The following MRPS5 variants were observed in gnomAD, a reference collection of about 807,000 sequenced individuals.
MRPS5 encodes mitochondrial ribosomal protein S5.
In MRPS5, 27 loss-of-function variants were observed where a neutral mutation model predicts 51.9. The observed-to-expected ratio is 0.52, with a 90% CI of 0.38 to 0.72. MRPS5 has a LOEUF of 0.72. MRPS5 is among the 30% of genes least tolerant of loss of function. The probability of loss-of-function intolerance (pLI) is 0.00; values close to 1 mark genes in which losing one functional copy is unlikely to be tolerated. For missense variants in MRPS5, 570 were observed against 545.7 expected, an observed-to-expected ratio of 1.04 and a Z score of -0.44; for synonymous variants, 196 against 193.2, an observed-to-expected ratio of 1.01 and a Z score of -0.12.
intron 5 of MRPS5, among the ~76,000 whole-genome samples, chr2:95,107,673 G>C (rs1035525961): frequency 6.6e-6 from 1 of 152,124 alleles, no homozygotes; most frequent in Non-Finnish European, 1.5e-5. Context: ...CACATCTCTT[G>C]GATGATTTTT....
chr2:95,112,616 T>C (rs1254762635), intron 3 of MRPS5, among the ~76,000 whole-genome samples: 1 of 152,188 alleles, frequency 6.6e-6, no homozygotes, highest in Non-Finnish European at 1.5e-5. Flanking sequence ...GACTATTTCC[T>C]ACTGAAACAG....
At chr2:95,104,341 G>A (rs2104412119) in intron 7 of MRPS5, 1 of 387,148 alleles carries the variant, frequency 2.6e-6, no homozygotes, top group East Asian at 5.7e-5. Context: ...TGGCCCTATT[G>A]AACATTTAGT....
intron 1 of MRPS5, 37 bp downstream of exon 1, chr2:95,121,697 C>T: frequency 6.6e-7 from 1 of 1,524,808 alleles, no homozygotes; most frequent in Non-Finnish European, 8.8e-7. Flanking sequence ...ACTCCCGGCC[C>T]GCTCAGAGCC....
chr2:95,106,946 T>TA (rs1675967982), intron 5 of MRPS5, among the ~76,000 whole-genome samples: 2 of 152,158 alleles, frequency 1.3e-5, no homozygotes, highest in South Asian at 4.1e-4. Context: ...CAGGGCCCAC[T>TA]AAAAATCCAT....
upstream of MRPS5, chr2:95,121,914 G>C (rs1676469519): frequency 8.9e-7 from 1 of 1,119,910 alleles, no homozygotes; most frequent in Non-Finnish European, 1.2e-6. Flanking sequence ...CCGAGTCCAC[G>C]CAGCAGCGCA....
chr2:95,090,274 C>T (rs1260404574), intron 11 of MRPS5, 112 bp downstream of exon 11: 14 of 1,062,438 alleles, frequency 1.3e-5, no homozygotes, highest in Non-Finnish European at 1.6e-5. Flanking sequence ...TGCCCAACTC[C>T]TCAGGTGGCC....
chr2:95,118,192 T>C (rs1286154723), intron 1 of MRPS5, among the ~76,000 whole-genome samples: 1 of 152,158 alleles, frequency 6.6e-6, no homozygotes, highest in Non-Finnish European at 1.5e-5. Flanking sequence ...AGCTGTACCT[T>C]TTCCTGTGGC....
chr2:95,091,864 C>T (rs1032477726), intron 10 of MRPS5: 7 of 152,160 alleles, frequency 4.6e-5, no homozygotes, highest in Non-Finnish European at 8.8e-5. Flanking sequence ...CAGGTGCCGC[C>T]GACACGTGAA....
In MRPS5 at chr2:95,089,691, G is replaced by A. The variant is rs192258914; in HGVS notation, c.1068+695C>T. Among the ~76,000 whole-genome samples the A allele has an allele frequency of 2.9e-3, 437 of 152,334 alleles. 1 individual carries two copies. The highest frequency in any genetic ancestry group is 5.0e-3 in the Non-Finnish European group (341 of 68,022). ...ACTGACTGTGCCTGCCCTGTGTGCA[G>A]AGGTGCCCTGGGTGCTTCATCCTAG... On this transcript the variant is annotated intron_variant, in intron 11 of 11. Coordinates refer to ENST00000272418, the MANE Select transcript of MRPS5 (RefSeq NM_031902.5).
chr2:95,087,132 T>TGA lies in MRPS5; in HGVS notation c.*224_*225insTC, dbSNP rs1675314155. The TGA allele has an allele frequency of 2.2e-6, 1 of 450,156 alleles. No homozygotes were observed. The highest frequency in any genetic ancestry group is 3.9e-6 in the Non-Finnish European group (1 of 256,876). The allele number at this position is 450,156 out of a possible 1,614,324, so 27.9% of individuals were successfully genotyped here. A position where few individuals can be genotyped will look rare whatever the true frequency, so the allele number is the denominator to read the frequency against. ...ATTTACTTTTGTTACTTTGGATGAA[T>TGA]ATTTAAAGTAGTCTTGAACTGAGAT... is the stretch of plus-strand genomic sequence containing the variant. On this transcript the variant is annotated 3_prime_UTR_variant, in exon 12 of 12. Coordinates refer to ENST00000272418, the MANE Select transcript of MRPS5 (RefSeq NM_031902.5).
intron 8 of MRPS5, 41 bp from the exon 9 acceptor site, chr2:95,100,935 T>C: frequency 1.3e-6 from 2 of 1,520,790 alleles, no homozygotes; most frequent in Non-Finnish European, 1.8e-6. Context: ...TGTTGAAATT[T>C]ACATCTTTTC....
intron 7 of MRPS5, among the ~76,000 whole-genome samples, chr2:95,103,086 G>A (rs1675849314): frequency 6.6e-6 from 1 of 152,154 alleles, no homozygotes; most frequent in African/African-American, 2.4e-5. Context: ...GGCTTTCTAA[G>A]CAAGACACAA....
intron 4 of MRPS5, 27 bp downstream of exon 4, chr2:95,109,889 T>C: frequency 6.3e-7 from 1 of 1,599,248 alleles, no homozygotes; most frequent in African/African-American, 1.4e-5. Context: ...TACAAAGCAC[T>C]TTAGCTATTT....
intron 10 of MRPS5, among the ~76,000 whole-genome samples, chr2:95,094,091 A>G (rs1025832540): frequency 2.0e-5 from 3 of 152,252 alleles, no homozygotes; most frequent in Non-Finnish European, 2.9e-5. Context: ...TGATGCATGC[A>G]TAAGCTTCAG....
chr2:95,090,241 A>T, intron 11 of MRPS5, 145 bp downstream of exon 11: 1 of 593,430 alleles, frequency 1.7e-6, no homozygotes, highest in African/African-American at 1.8e-5. Context: ...AACTAAACTG[A>T]TGCAGTCACA....
chr2:95,105,545 GA>G (rs775393852), intron 6 of MRPS5, among the ~76,000 whole-genome samples: 37 of 135,214 alleles, frequency 2.7e-4, no homozygotes, highest in Non-Finnish European at 2.6e-4. Context: ...CTCCACCTCA[GA>G]AAAAAAAAAA....
chr2:95,104,402 C>A, intron 7 of MRPS5: 1 of 535,562 alleles, frequency 1.9e-6, no homozygotes, highest in Non-Finnish European at 3.4e-6. Flanking sequence ...TGTCTTCAGC[C>A]TTTTATAATA....
intron 1 of MRPS5, among the ~76,000 whole-genome samples, chr2:95,120,103 T>C (rs1486579227): frequency 6.6e-6 from 1 of 152,090 alleles, no homozygotes; most frequent in Admixed American, 6.6e-5. Context: ...GCAATTACAA[T>C]CCTAAGTATA....
intron 4 of MRPS5, 141 bp from the exon 5 acceptor site, chr2:95,108,549 C>T (rs1243318059): frequency 1.4e-6 from 1 of 705,326 alleles, no homozygotes; most frequent in Non-Finnish European, 2.3e-6. Flanking sequence ...TGGTAGGTCA[C>T]TTGGCACAAT....
Sources: allele counts gnomAD v4.1 joint callset (sites outside exome capture counted in the v4.1 genomes callset), GRCh38; gene constraint gnomAD v4.1.1; transcripts MANE v1.5; gene names NCBI Gene and HGNC (gene_info 2026-07-23, HGNC 2026-07-21).